Variants in PTCHD4 observed in about 807,000 individuals in gnomAD.
PTCHD4 encodes patched domain containing 4.
Under a neutral mutation model 58.1 loss-of-function variants are expected in PTCHD4, and 33 were observed. That is an observed-to-expected ratio of 0.57 (90% CI 0.43 to 0.76). The LOEUF (loss-of-function observed/expected upper bound fraction) is 0.76, where lower values mean the gene tolerates loss of function less well. Among genes scored for constraint, PTCHD4 ranks in the 30% least tolerant of loss-of-function variants. The pLI, the probability that PTCHD4 is intolerant of heterozygous loss-of-function variation, is 0.00. For synonymous variants in PTCHD4, 478 were observed against 409.6 expected (o/e 1.17, Z -2.02); for missense variants, 1,058 against 1,027.1 (o/e 1.03, Z -0.41).
intron 4 of PTCHD4, among the ~76,000 whole-genome samples, chr6:47,882,869 T>C (rs1581821735): frequency 2.0e-5 from 3 of 151,190 alleles, no homozygotes; most frequent in South Asian, 2.1e-4. Context: ...CTTGGTTGGA[T>C]TGCAAATTCT....
chr6:48,010,117 G>C (rs1224150919), intron 3 of PTCHD4, among the ~76,000 whole-genome samples: 1 of 152,196 alleles, frequency 6.6e-6, no homozygotes, highest in African/African-American at 2.4e-5. Context: ...CAATGGCAAT[G>C]GTTCTCAGAA....
At chr6:47,891,592 A>C (rs759891605) in intron 4 of PTCHD4, among the ~76,000 whole-genome samples, 7 of 152,200 alleles carry the variant, frequency 4.6e-5, no homozygotes, top group Non-Finnish European at 8.8e-5. Context: ...ATAATTACTA[A>C]GATAACTATT....
intron 4 of PTCHD4, among the ~76,000 whole-genome samples, chr6:47,910,568 C>T (rs1380706869): frequency 2.0e-5 from 3 of 152,056 alleles, no homozygotes; most frequent in Non-Finnish European, 4.4e-5. Flanking sequence ...TAGAAAAATA[C>T]ATTCTTTTAG....
chr6:47,947,036 T>G (rs1766449124), intron 4 of PTCHD4, among the ~76,000 whole-genome samples: 1 of 152,072 alleles, frequency 6.6e-6, no homozygotes, highest in Admixed American at 6.6e-5. Flanking sequence ...GATCTTGCTA[T>G]GTTGTCTAGG....
intron 3 of PTCHD4, among the ~76,000 whole-genome samples, chr6:48,045,635 G>C (rs112970723): frequency 4.6e-5 from 7 of 151,794 alleles, no homozygotes; most frequent in African/African-American, 1.7e-4. Context: ...GTGATGTATA[G>C]GATATTTCCT....
chr6:48,095,822 T>A (rs1458444955), intron 1 of PTCHD4, among the ~76,000 whole-genome samples: 1 of 151,750 alleles, frequency 6.6e-6, no homozygotes, highest in Non-Finnish European at 1.5e-5. Flanking sequence ...AGGCAGTGCA[T>A]CAGTTGTCAG....
At chr6:47,910,163 G>A (rs1410865481) in intron 4 of PTCHD4, among the ~76,000 whole-genome samples, 1 of 152,094 alleles carries the variant, frequency 6.6e-6, no homozygotes, top group African/African-American at 2.4e-5. Flanking sequence ...TTGATACAAT[G>A]TCATCTTCCT....
intron 4 of PTCHD4, among the ~76,000 whole-genome samples, chr6:47,892,966 A>G (rs1047722280): frequency 5.3e-5 from 8 of 152,158 alleles, no homozygotes; most frequent in African/African-American, 1.9e-4. Context: ...ATCAACCAGA[A>G]CTTCCTTTTT....
rs1763627467 is a variant in PTCHD4, at chr6:47,868,380, A to ACAACT, written c.*9922_*9923insAGTTG. Among the ~76,000 whole-genome samples the ACAACT allele has an allele frequency of 1.3e-5, 2 of 151,730 alleles. No homozygotes were observed. The highest frequency in any genetic ancestry group is 4.1e-4 in the South Asian group (2 of 4,828). The stretch of plus-strand genomic sequence containing the variant: ...CTTATTATTGTGTAACTGGCTATAT[A>ACAACT]GGAAAATTCAAGAAAATGAAACAAA... On this transcript the variant is annotated 3_prime_UTR_variant, in exon 5 of 5. Coordinates refer to ENST00000339488, the MANE Select transcript of PTCHD4 (RefSeq NM_001384253.1).
intron 4 of PTCHD4, among the ~76,000 whole-genome samples, chr6:47,906,015 C>A (rs1206254163): frequency 6.6e-6 from 1 of 152,224 alleles, no homozygotes; most frequent in Non-Finnish European, 1.5e-5. Flanking sequence ...ATCTGTCAAT[C>A]TGTGCCTGGC....
chr6:47,906,114 T>C (rs912330430), intron 4 of PTCHD4, among the ~76,000 whole-genome samples: 1 of 152,236 alleles, frequency 6.6e-6, no homozygotes, highest in Non-Finnish European at 1.5e-5. Context: ...CTCACAAATG[T>C]ACCCTGTCTT....
At chr6:47,921,144 A>G (rs1765419897) in intron 4 of PTCHD4, among the ~76,000 whole-genome samples, 1 of 152,218 alleles carries the variant, frequency 6.6e-6, no homozygotes, top group African/African-American at 2.4e-5. Context: ...TATGACAAAA[A>G]TAAATTTGTA....
intron 4 of PTCHD4, among the ~76,000 whole-genome samples, chr6:47,938,299 T>C (rs974166762): frequency 5.9e-5 from 9 of 152,236 alleles, no homozygotes; most frequent in African/African-American, 2.2e-4. Flanking sequence ...ATGAATTGTC[T>C]AGTGGAATGA....
intron 4 of PTCHD4, among the ~76,000 whole-genome samples, chr6:47,893,309 TG>T (rs1170282417): frequency 6.6e-6 from 1 of 152,066 alleles, no homozygotes; most frequent in Non-Finnish European, 1.5e-5. Flanking sequence ...ACGACCAGGT[TG>T]TAGAGATTTT....
At position 47,857,504 on chromosome 6, in the gene PTCHD4, G is replaced by T. The variant is rs1162906441; in HGVS notation, c.*20799C>A. On this transcript the variant is annotated 3_prime_UTR_variant, in exon 5 of 5. Coordinates refer to ENST00000339488, the MANE Select transcript of PTCHD4 (RefSeq NM_001384253.1). The stretch of plus-strand genomic sequence containing the variant: ...CCCTTGGGTTCAAACAATAAATGAG[G>T]AGTCTGGGTAGTACATGAAGTAGTC... Among the ~76,000 whole-genome samples the T allele has an allele frequency of 6.6e-6, 1 of 151,958 alleles. No homozygotes were observed. Among genetic ancestry groups the T allele is most frequent in the African/African-American group, 2.4e-5 (1 of 41,400 alleles).
intron 3 of PTCHD4, among the ~76,000 whole-genome samples, chr6:48,063,671 T>C (rs1321878856): frequency 1.3e-5 from 2 of 152,134 alleles, no homozygotes; most frequent in African/African-American, 4.8e-5. Context: ...AAAGATTAAA[T>C]AGCATGTGTG....
At chr6:48,065,579 T>A (rs1459047955) in intron 3 of PTCHD4, among the ~76,000 whole-genome samples, 1 of 152,218 alleles carries the variant, frequency 6.6e-6, no homozygotes, top group Non-Finnish European at 1.5e-5. Flanking sequence ...CTCATTTTGC[T>A]CTCTGCCAGG....
At chr6:47,986,015 G>A (rs111413518) in intron 4 of PTCHD4, among the ~76,000 whole-genome samples, 11 of 151,948 alleles carry the variant, frequency 7.2e-5, no homozygotes, top group South Asian at 2.1e-4. Context: ...ATATCATTAC[G>A]TATGAAATTT....
rs1275098920 is a variant in PTCHD4, at chr6:47,871,219, G to T, written c.*7084C>A. Among the ~76,000 whole-genome samples the T allele has an allele frequency of 6.6e-6, 1 of 151,576 alleles. No homozygotes were observed. Among genetic ancestry groups the T allele is most frequent in the Non-Finnish European group, 1.5e-5 (1 of 67,688 alleles). On this transcript the variant is annotated 3_prime_UTR_variant, in exon 5 of 5. Coordinates refer to ENST00000339488, the MANE Select transcript of PTCHD4 (RefSeq NM_001384253.1). Reference sequence around the variant, plus strand: ...GCTAATGTTTCCGTAAGTGACTTGTGTTTTAAAAACCCCGATTTAGCAGAA... The same window carrying T: ...GCTAATGTTTCCGTAAGTGACTTGTTTTTTAAAAACCCCGATTTAGCAGAA...
Sources: gnomAD v4.1 joint callset for allele counts (sites outside exome capture counted in the v4.1 genomes callset) on GRCh38, gnomAD v4.1.1 for gene constraint, MANE v1.5 for transcripts, NCBI Gene and HGNC (gene_info 2026-07-23, HGNC 2026-07-21) for gene names.